ZNF385D: variants seen among roughly 807,000 people sequenced by gnomAD.
ZNF385D encodes the protein zinc finger protein 385D, also known as zinc finger protein 659.
A neutral mutation model predicts 35.8 loss-of-function variants in ZNF385D; 15 were observed. That is an observed-to-expected ratio of 0.42 (90% CI 0.28 to 0.64). The LOEUF (loss-of-function observed/expected upper bound fraction) is 0.64, where lower values mean the gene tolerates loss of function less well. Ranked by LOEUF, ZNF385D falls within the 30% of genes least tolerant of loss-of-function variation. ZNF385D has a pLI of 0.23. For missense variants in ZNF385D, 474 were observed against 494.6 expected, an observed-to-expected ratio of 0.96 and a Z score of 0.39; for synonymous variants, 212 against 186.8, an observed-to-expected ratio of 1.13 and a Z score of -1.10.
At chr3:22,307,573 G>A (rs1166378393) in intron 2 of ZNF385D, among the ~76,000 whole-genome samples, 1 of 152,020 alleles carries the variant, frequency 6.6e-6, no homozygotes, top group Non-Finnish European at 1.5e-5. Flanking sequence ...AACACATATG[G>A]TATTTTGGGA....
chr3:22,145,677 T>C (rs1704803541), intron 3 of ZNF385D, among the ~76,000 whole-genome samples: 1 of 152,112 alleles, frequency 6.6e-6, no homozygotes, highest in Non-Finnish European at 1.5e-5. Flanking sequence ...GGATGAGGAG[T>C]TAGCAGGAAG....
intron 3 of ZNF385D, among the ~76,000 whole-genome samples, chr3:21,898,935 G>A (rs775217766): frequency 1.3e-5 from 2 of 152,050 alleles, no homozygotes; most frequent in South Asian, 2.1e-4. Context: ...TTCTCCTCAC[G>A]TCTCATTGGC....
At chr3:21,634,282 AAAG>A (rs1226877434) in intron 2 of ZNF385D, among the ~76,000 whole-genome samples, 2 of 150,924 alleles carry the variant, frequency 1.3e-5, no homozygotes, top group Non-Finnish European at 1.5e-5. Context: ...GGAAGGAAGA[AAAG>A]AAAGGAAGAA....
At chr3:22,083,140 C>A (rs561751339) in intron 3 of ZNF385D, among the ~76,000 whole-genome samples, 22 of 152,272 alleles carry the variant, frequency 1.4e-4, no homozygotes, top group African/African-American at 4.8e-4. Context: ...AGCAGAAAAT[C>A]TGAAAATTCT....
chr3:21,982,253 G>C (rs1298896475), intron 3 of ZNF385D, among the ~76,000 whole-genome samples: 1 of 151,840 alleles, frequency 6.6e-6, no homozygotes, highest in African/African-American at 2.4e-5. Flanking sequence ...ATTTCTTTGA[G>C]CAATGTTTTG....
intron 3 of ZNF385D, among the ~76,000 whole-genome samples, chr3:21,805,043 G>A (rs1201894634): frequency 6.6e-6 from 1 of 152,166 alleles, no homozygotes; most frequent in African/African-American, 2.4e-5. Context: ...AATGGTGAGA[G>A]GGGCTTATAC....
At chr3:21,474,937 G>C (rs1704138501) in intron 4 of ZNF385D, among the ~76,000 whole-genome samples, 1 of 151,916 alleles carries the variant, frequency 6.6e-6, no homozygotes, top group Non-Finnish European at 1.5e-5. Context: ...CCTTTCTCTA[G>C]CTGTTTGTAC....
At chr3:22,078,491 G>A (rs1700580139) in intron 3 of ZNF385D, among the ~76,000 whole-genome samples, 1 of 152,032 alleles carries the variant, frequency 6.6e-6, no homozygotes, top group Non-Finnish European at 1.5e-5. Flanking sequence ...ATATGGTATT[G>A]AGACATTAAG....
chr3:21,570,645 T>G (rs2063307475), intron 2 of ZNF385D, among the ~76,000 whole-genome samples: 1 of 152,192 alleles, frequency 6.6e-6, no homozygotes, highest in Admixed American at 6.6e-5. Flanking sequence ...GCACTTTCTG[T>G]GTGTTTGATG....
intron 2 of ZNF385D, among the ~76,000 whole-genome samples, chr3:21,611,412 C>CA (rs1358491500): frequency 2.0e-5 from 3 of 152,038 alleles, no homozygotes; most frequent in Non-Finnish European, 2.9e-5. Flanking sequence ...AACAAACAAA[C>CA]AAAAAAACCA....
intron 4 of ZNF385D, among the ~76,000 whole-genome samples, chr3:21,502,551 T>C (rs1308541593): frequency 6.6e-6 from 1 of 152,196 alleles, no homozygotes; most frequent in Non-Finnish European, 1.5e-5. Context: ...CCAAATATCA[T>C]TCATCATAAT....
intron 2 of ZNF385D, among the ~76,000 whole-genome samples, chr3:22,311,824 G>A (rs1034416515): frequency 2.0e-5 from 3 of 152,008 alleles, no homozygotes; most frequent in Non-Finnish European, 4.4e-5. Flanking sequence ...TTACTATTAT[G>A]AACTCTGTCA....
chr3:22,012,655 T>A (rs1004851427), intron 3 of ZNF385D, among the ~76,000 whole-genome samples: 5 of 152,128 alleles, frequency 3.3e-5, no homozygotes, highest in African/African-American at 1.2e-4. Context: ...TGGCTTCACT[T>A]GAACTCTCAC....
chr3:22,109,467 G>A (rs1473415140), intron 3 of ZNF385D, among the ~76,000 whole-genome samples: 1 of 152,106 alleles, frequency 6.6e-6, no homozygotes, highest in South Asian at 2.1e-4. Flanking sequence ...TCTTCTTGCT[G>A]GGTAGTGGAC....
chr3:22,356,866 A>G (rs1371361735), intron 2 of ZNF385D, among the ~76,000 whole-genome samples: 2 of 151,898 alleles, frequency 1.3e-5, no homozygotes, highest in African/African-American at 2.4e-5. Flanking sequence ...GAATAAGATA[A>G]TATCATATAT....
At chr3:22,138,305 G>T (rs1226503393) in intron 3 of ZNF385D, among the ~76,000 whole-genome samples, 1 of 152,088 alleles carries the variant, frequency 6.6e-6, no homozygotes. Context: ...TCACAGAATT[G>T]GAAAAAACTA....
In ZNF385D at chr3:22,279,557, T is replaced by TATGTACATATATATGTATATACATATAC. The variant is rs1701620730; in HGVS notation, c.106+92865_106+92892dup. ...ACATATATATGTATATACATATACA[T>TATGTACATATATATGTATATACATATAC]ATGTACATATATATGTATATACATA... On this transcript the variant is annotated intron_variant, in intron 2 of 5. Transcript: ENST00000494108. Among the ~76,000 whole-genome samples, 7 of 138,190 alleles carry TATGTACATATATATGTATATACATATAC rather than the reference T, an allele frequency of 5.1e-5. No individual in the cohort carries two copies. In the South Asian group the frequency reaches 8.7e-4, roughly 17 times the overall value. The allele number at this position is 138,190 out of a possible 152,430, so 90.7% of individuals were successfully genotyped here. A position where few individuals can be genotyped will look rare whatever the true frequency, so the allele number is the denominator to read the frequency against.
intron 2 of ZNF385D, among the ~76,000 whole-genome samples, chr3:22,183,834 T>C (rs1449643081): frequency 1.3e-5 from 2 of 152,036 alleles, no homozygotes; most frequent in Non-Finnish European, 2.9e-5. Context: ...TCTGTAGCTT[T>C]AGTTTTTTTT....
intron 2 of ZNF385D, among the ~76,000 whole-genome samples, chr3:22,192,455 G>A (rs1576473454): frequency 6.6e-6 from 1 of 152,032 alleles, no homozygotes; most frequent in Non-Finnish European, 1.5e-5. Flanking sequence ...AGCACACATT[G>A]CAAAAATGAT....
Sources: gnomAD v4.1 joint callset for allele counts (sites outside exome capture counted in the v4.1 genomes callset) on GRCh38, gnomAD v4.1.1 for gene constraint, MANE v1.5 for transcripts, NCBI Gene and HGNC (gene_info 2026-07-23, HGNC 2026-07-21) for gene names.